Variants in KIRREL3 observed in about 807,000 individuals in gnomAD.
KIRREL3 encodes kin of IRRE-like protein 3.
KIRREL3 carries 36 observed loss-of-function variants against 89.7 expected under a neutral mutation model. The observed-to-expected ratio is 0.40, with a 90% CI of 0.31 to 0.53. The LOEUF (loss-of-function observed/expected upper bound fraction) is 0.53. KIRREL3 is among the 20% of genes least tolerant of loss of function. The pLI is 0.49. For synonymous variants in KIRREL3, 445 were observed against 441.4 expected (o/e 1.01, Z -0.10); for missense variants, 864 against 1,056.6 (o/e 0.82, Z 2.53).
rs767413826 is a variant in KIRREL3, at chr11:126,768,812, A to G, written c.56-205900T>C. 3.9e-5 allele frequency among the ~76,000 whole-genome samples: 6 copies of G among 152,184 alleles called. No individual in the cohort carries two copies. Among genetic ancestry groups the G allele is most frequent in the Non-Finnish European group, 7.4e-5 (5 of 68,024 alleles). On this transcript the variant is annotated intron_variant, in intron 1 of 16. Coordinates refer to ENST00000525144, the MANE Select transcript of KIRREL3 (RefSeq NM_032531.4). The surrounding 1 kb of genome is among the most constrained non-coding windows in gnomAD (Gnocchi z 4.5). ...CTTGATGGTCCTGGGGAAAGGAGGTATGGCAGGATGTCTGAGCAGTCGGCG... is the reference window on the plus strand; with the variant it reads ...CTTGATGGTCCTGGGGAAAGGAGGTGTGGCAGGATGTCTGAGCAGTCGGCG...
intron 1 of KIRREL3, among the ~76,000 whole-genome samples, chr11:126,770,933 T>C (rs954457719): frequency 8.5e-5 from 13 of 152,308 alleles, no homozygotes; most frequent in Admixed American, 8.5e-4. Flanking sequence ...CCTCCCAGGT[T>C]CAAGTGATTT....
intron 1 of KIRREL3, among the ~76,000 whole-genome samples, chr11:126,941,216 A>G (rs935404225): frequency 2.6e-5 from 4 of 152,120 alleles, no homozygotes; most frequent in Non-Finnish European, 5.9e-5. Flanking sequence ...ACTCACCCTC[A>G]GCATCATTTT....
In KIRREL3 at chr11:126,608,854, G is replaced by A. The variant is rs1328868183; in HGVS notation, c.56-45942C>T. 6.6e-6 allele frequency among the ~76,000 whole-genome samples: 1 copy of A among 152,156 alleles called. No individual in the cohort carries two copies. Among genetic ancestry groups the A allele is most frequent in the Non-Finnish European group, 1.5e-5 (1 of 68,020 alleles). Reference sequence around the variant, plus strand: ...GTGGAGATGGGCAATGGGGATGCCTGATGAGACCTATGTCCAGGACAGGAG... The same window carrying A: ...GTGGAGATGGGCAATGGGGATGCCTAATGAGACCTATGTCCAGGACAGGAG... On this transcript the variant is annotated intron_variant, in intron 1 of 16. Coordinates refer to ENST00000525144, the MANE Select transcript of KIRREL3 (RefSeq NM_032531.4). The surrounding 1 kb of genome is among the most constrained non-coding windows in gnomAD (Gnocchi z 4.9).
At chr11:126,855,789 T>G (rs1252353713) in intron 1 of KIRREL3, among the ~76,000 whole-genome samples, 1 of 152,148 alleles carries the variant, frequency 6.6e-6, no homozygotes, top group Non-Finnish European at 1.5e-5. Context: ...AACCTATGAC[T>G]CTAGGAGATG....
chr11:126,536,713 G>A (rs900822727), intron 2 of KIRREL3, among the ~76,000 whole-genome samples: 2 of 137,440 alleles, frequency 1.5e-5, no homozygotes, highest in African/African-American at 5.6e-5. Flanking sequence ...GTGCGATCTC[G>A]GCTTCAGCGC....
At position 126,965,445 on chromosome 11, in the gene KIRREL3, T is replaced by C. The variant is rs543701131; in HGVS notation, c.55+35010A>G. Among the ~76,000 whole-genome samples, 1 of 152,308 alleles carries C rather than the reference T, an allele frequency of 6.6e-6. No homozygotes were observed. The highest frequency in any genetic ancestry group is 1.9e-4 in the East Asian group (1 of 5,176). On this transcript the variant is annotated intron_variant, in intron 1 of 16. Coordinates refer to ENST00000525144, the MANE Select transcript of KIRREL3 (RefSeq NM_032531.4). This position sits in a 1 kb window ranked among gnomAD's most constrained non-coding sequence, Gnocchi z 4.4. ...TATCCATGTATTTGCATAATCATTA[T>C]CATCACATTCTAATTCTCATACAAT...
chr11:126,435,233 C>G (rs533095933), intron 13 of KIRREL3, 35 bp downstream of exon 13: 8 of 1,612,520 alleles, frequency 5.0e-6, no homozygotes, highest in Middle Eastern at 1.7e-4. Context: ...CCCTTCCCCC[C>G]TTCCCAGGGC....
chr11:126,883,792 A>G lies in KIRREL3; in HGVS notation c.55+116663T>C, dbSNP rs1945598190. Among the ~76,000 whole-genome samples, 1 of 152,190 alleles carries G rather than the reference A, an allele frequency of 6.6e-6. No homozygotes were observed. Among genetic ancestry groups the G allele is most frequent in the Non-Finnish European group, 1.5e-5 (1 of 68,038 alleles). On this transcript the variant is annotated intron_variant, in intron 1 of 16. Transcript: ENST00000525144. This position sits in a 1 kb window ranked among gnomAD's most constrained non-coding sequence, Gnocchi z 4.1. ...GCTACTAAAAAAATGCTTGTTTGAAATTAAAGATCCAATGTTAGAAAGTAT... is the reference window on the plus strand; with the variant it reads ...GCTACTAAAAAAATGCTTGTTTGAAGTTAAAGATCCAATGTTAGAAAGTAT...
In KIRREL3 at chr11:126,666,837, A is replaced by G. The variant is rs1945685884; in HGVS notation, c.56-103925T>C. On this transcript the variant is annotated intron_variant, in intron 1 of 16. Transcript: ENST00000525144. This position sits in a 1 kb window ranked among gnomAD's most constrained non-coding sequence, Gnocchi z 4.2. ...GTTGATCAATCACCATTGCTGGTAC[A>G]GGTATATTCATTTTGGGTCTGGGAT... Among the ~76,000 whole-genome samples the G allele has an allele frequency of 1.3e-5, 2 of 152,176 alleles. No individual in the cohort carries two copies. The highest frequency in any genetic ancestry group is 2.9e-5 in the Non-Finnish European group (2 of 68,032).
In KIRREL3 at chr11:126,890,637, G is replaced by A. The variant is rs1945879052; in HGVS notation, c.55+109818C>T. Among the ~76,000 whole-genome samples the A allele has an allele frequency of 6.6e-6, 1 of 152,206 alleles. No individual in the cohort carries two copies. The highest frequency in any genetic ancestry group is 2.4e-5 in the African/African-American group (1 of 41,452). ...CATCCTGGCAAAAGGAGTTCATTTCGATGGCCAAGCAGCTTCTATCAGCTT... is the reference window on the plus strand; with the variant it reads ...CATCCTGGCAAAAGGAGTTCATTTCAATGGCCAAGCAGCTTCTATCAGCTT... On this transcript the variant is annotated intron_variant, in intron 1 of 16. Transcript: ENST00000525144. This position sits in a 1 kb window ranked among gnomAD's most constrained non-coding sequence, Gnocchi z 5.1.
intron 1 of KIRREL3, among the ~76,000 whole-genome samples, chr11:126,958,601 C>T (rs528457515): frequency 6.6e-6 from 1 of 152,302 alleles, no homozygotes; most frequent in South Asian, 2.1e-4. Context: ...ATGAAGTGGT[C>T]TTCATTTGTG....
At chr11:126,616,391 A>T (rs1057215023) in intron 1 of KIRREL3, among the ~76,000 whole-genome samples, 7 of 152,192 alleles carry the variant, frequency 4.6e-5, no homozygotes, top group Non-Finnish European at 1.0e-4. Context: ...TCAAGTCTTA[A>T]CTTGAAAGAA....
chr11:126,946,840 T>C lies in KIRREL3; in HGVS notation c.55+53615A>G, dbSNP rs1225347508. Among the ~76,000 whole-genome samples, 1 of 152,212 alleles carries C rather than the reference T, an allele frequency of 6.6e-6. No individual in the cohort carries two copies. On this transcript the variant is annotated intron_variant, in intron 1 of 16. Transcript: ENST00000525144. The surrounding 1 kb of genome is among the most constrained non-coding windows in gnomAD (Gnocchi z 4.1). ...CCATATAAGTAGATATCATTGTACA[T>C]TGTTCAACCACTATTTATTGTGTAA... is the stretch of plus-strand genomic sequence containing the variant.
At chr11:126,751,058 G>A (rs1277419106) in intron 1 of KIRREL3, among the ~76,000 whole-genome samples, 1 of 152,214 alleles carries the variant, frequency 6.6e-6, no homozygotes. Flanking sequence ...TGGACCAAAT[G>A]TATTTTATCT....
rs191095717 is a variant in KIRREL3 at position 126,736,843 on chromosome 11, C to T, written c.56-173931G>A. Among the ~76,000 whole-genome samples the T allele has an allele frequency of 1.3e-5, 2 of 152,300 alleles. No individual in the cohort carries two copies. The highest frequency in any genetic ancestry group is 6.5e-5 in the Admixed American group (1 of 15,304). ...GAATCACCATACATCCCCCACAGTC[C>T]TCCCCCACCCTGTGCTGCCCAGGAA... On this transcript the variant is annotated intron_variant, in intron 1 of 16. Coordinates refer to ENST00000525144, the MANE Select transcript of KIRREL3 (RefSeq NM_032531.4). This position sits in a 1 kb window ranked among gnomAD's most constrained non-coding sequence, Gnocchi z 5.0.
At position 126,565,577 on chromosome 11, in the gene KIRREL3, G is replaced by A. The variant is rs547115165; in HGVS notation, c.56-2665C>T. Among the ~76,000 whole-genome samples the A allele has an allele frequency of 1.1e-4, 17 of 152,332 alleles. No individual in the cohort carries two copies. The highest frequency in any genetic ancestry group is 1.2e-4 in the Non-Finnish European group (8 of 68,032). ...GCGAGGGCTCTCTGACTGAGACTTT[G>A]TAGAGAAGTGGGGAGAAGCTACTGG... On this transcript the variant is annotated intron_variant, in intron 1 of 16. Coordinates refer to ENST00000525144, the MANE Select transcript of KIRREL3 (RefSeq NM_032531.4). This position sits in a 1 kb window ranked among gnomAD's most constrained non-coding sequence, Gnocchi z 5.4.
Position 126,456,056 on chromosome 11 carries a change from T to C in KIRREL3, c.848+293A>G, listed in dbSNP as rs1426636818. Reference sequence around the variant, plus strand: ...TTGTTTTCGTTTTTTTTTTTTTTTTTTCCTGAGCCTTTTCCCCATGTTTGG... The same window carrying C: ...TTGTTTTCGTTTTTTTTTTTTTTTTCTCCTGAGCCTTTTCCCCATGTTTGG... On this transcript the variant is annotated intron_variant, in intron 7 of 16. Transcript: ENST00000525144. Among the ~76,000 whole-genome samples, 70 of 135,848 alleles carry C rather than the reference T, an allele frequency of 5.2e-4. 1 individual carries two copies. Among genetic ancestry groups the C allele is most frequent in the African/African-American group, 1.9e-3 (66 of 35,650 alleles). 89.1% of individuals were successfully genotyped at this position (135,848 alleles called of 152,430 possible).
At chr11:126,678,082 G>A (rs1196998228) in intron 1 of KIRREL3, among the ~76,000 whole-genome samples, 1 of 152,220 alleles carries the variant, frequency 6.6e-6, no homozygotes, top group Non-Finnish European at 1.5e-5. Context: ...GGTTATACGC[G>A]GTAATGAAGC....
intron 1 of KIRREL3, among the ~76,000 whole-genome samples, chr11:126,881,112 G>C (rs1939989): frequency 0.62 from 93,782 of 152,116 alleles, 30,430 homozygotes; most frequent in African/African-American, 0.82. Flanking sequence ...ACAGCCAATA[G>C]TCACTCTGCT....
Sources: allele counts gnomAD v4.1 joint callset (sites outside exome capture counted in the v4.1 genomes callset), GRCh38; gene constraint gnomAD v4.1.1; non-coding constraint Gnocchi (gnomAD v3.1); transcripts MANE v1.5; gene names NCBI Gene and HGNC (gene_info 2026-07-23, HGNC 2026-07-21).